Variants in TUSC3 observed in about 807,000 individuals in gnomAD.
TUSC3 encodes the protein tumor suppressor candidate 3.
In TUSC3, 45 loss-of-function variants were observed where a neutral mutation model predicts 44.8. That is an observed-to-expected ratio of 1.00 (90% CI 0.79 to 1.29). The LOEUF (loss-of-function observed/expected upper bound fraction) is 1.29. TUSC3 is among the 50% of genes most tolerant of loss of function. The pLI is 0.00. For synonymous variants in TUSC3, 212 were observed against 152.9 expected (o/e 1.39, Z -2.85); for missense variants, 519 against 437.9 (o/e 1.19, Z -1.65).
chr8:15,571,555 G>T (rs1404840724), intron 1 of TUSC3, among the ~76,000 whole-genome samples: 2 of 152,104 alleles, frequency 1.3e-5, no homozygotes, highest in Non-Finnish European at 2.9e-5. Context: ...GCTGGTGGAG[G>T]GTTTTGCTTC....
At chr8:15,569,054 G>T (rs1029138413) in intron 1 of TUSC3, among the ~76,000 whole-genome samples, 1 of 152,034 alleles carries the variant, frequency 6.6e-6, no homozygotes, top group South Asian at 2.1e-4. Flanking sequence ...TGTGCGGCTT[G>T]TTATATATTA....
At chr8:15,772,044 G>C in the TUSC3 span, among the ~76,000 whole-genome samples, 23 of 151,880 alleles carry the variant, frequency 1.5e-4, no homozygotes, top group Non-Finnish European at 2.9e-4. Flanking sequence ...AGCCAGGATC[G>C]CGCCACTGCA....
intron 7 of TUSC3, among the ~76,000 whole-genome samples, chr8:15,737,561 T>C (rs1170059188): frequency 6.6e-6 from 1 of 152,154 alleles, no homozygotes; most frequent in African/African-American, 2.4e-5. Flanking sequence ...GCCATGATAT[T>C]AATCAATAAA....
chr8:15,832,224 T>C, the TUSC3 span, among the ~76,000 whole-genome samples: 3 of 152,116 alleles, frequency 2.0e-5, no homozygotes, highest in Non-Finnish European at 2.9e-5. Context: ...AACAAGATCC[T>C]TTCTAGGCAA....
chr8:15,773,408 A>C, the TUSC3 span, among the ~76,000 whole-genome samples: 40 of 152,294 alleles, frequency 2.6e-4, no homozygotes, highest in Non-Finnish European at 3.5e-4. Context: ...GATTTAACCA[A>C]GGAACTAAAA....
intron 2 of TUSC3, among the ~76,000 whole-genome samples, chr8:15,530,468 C>A (rs1801435260): frequency 6.6e-6 from 1 of 152,156 alleles, no homozygotes; most frequent in Admixed American, 6.6e-5. Flanking sequence ...GTTTCATCTT[C>A]ATGGTACCAT....
chr8:15,679,718 T>G (rs1158504256), intron 6 of TUSC3, among the ~76,000 whole-genome samples: 2 of 152,176 alleles, frequency 1.3e-5, no homozygotes, highest in Non-Finnish European at 2.9e-5. Flanking sequence ...AGGGTTTTTA[T>G]AGTTTTAGGT....
At chr8:15,540,650 G>C (rs1801653438) in intron 1 of TUSC3, 82 bp downstream of exon 1, 1 of 1,436,680 alleles carries the variant, frequency 7.0e-7, no homozygotes, top group African/African-American at 1.5e-5. Flanking sequence ...CTGCCGTGTT[G>C]CTAGGCAGCC....
intron 5 of TUSC3, among the ~76,000 whole-genome samples, chr8:15,671,843 T>G (rs944923336): frequency 6.6e-6 from 1 of 151,834 alleles, no homozygotes; most frequent in Non-Finnish European, 1.5e-5. Flanking sequence ...TAAATGATAC[T>G]TTTTTTTATG....
At chr8:15,722,186 T>C (rs1810327713) in intron 6 of TUSC3, among the ~76,000 whole-genome samples, 1 of 151,886 alleles carries the variant, frequency 6.6e-6, no homozygotes, top group Non-Finnish European at 1.5e-5. Context: ...GGGGCAGCTA[T>C]CGTGAATTAT....
rs983035972 is a variant in TUSC3 at position 15,713,794 on chromosome 8, A to T, written c.799-16872A>T. ...CTCTTTAAAGACCCTCTCACCAAAG[A>T]GTCATATTCTGAGGTACTGGGGGTT... On this transcript the variant is annotated intron_variant, in intron 6 of 10. Coordinates refer to ENST00000503731, the MANE Select transcript of TUSC3 (RefSeq NM_006765.4). 1.8e-4 allele frequency among the ~76,000 whole-genome samples: 27 copies of T among 152,166 alleles called. 1 individual carries two copies. Among genetic ancestry groups the T allele is most frequent in the African/African-American group, 6.5e-4 (27 of 41,530 alleles).
intron 2 of TUSC3, among the ~76,000 whole-genome samples, chr8:15,498,523 A>G (rs1800912829): frequency 6.6e-6 from 1 of 152,192 alleles, no homozygotes; most frequent in South Asian, 2.1e-4. Context: ...CAAGGATCCT[A>G]GCGATGAATT....
chr8:15,820,032 C>T, the TUSC3 span, among the ~76,000 whole-genome samples: 1 of 152,246 alleles, frequency 6.6e-6, no homozygotes, highest in Non-Finnish European at 1.5e-5. Flanking sequence ...TCAATTTGAA[C>T]TGTTCCTAGT....
At chr8:15,603,232 T>C (rs569237657) in intron 1 of TUSC3, among the ~76,000 whole-genome samples, 1 of 151,708 alleles carries the variant, frequency 6.6e-6, no homozygotes, top group Admixed American at 6.6e-5. Flanking sequence ...AGTTTATCAC[T>C]GGAACCTGAG....
intron 5 of TUSC3, among the ~76,000 whole-genome samples, chr8:15,666,566 C>A (rs753436319): frequency 2.0e-5 from 3 of 151,512 alleles, no homozygotes; most frequent in Middle Eastern, 3.4e-3. Context: ...AAATTTATTT[C>A]TTGTGACCAT....
At chr8:15,452,774 G>A (rs1800210288) in intron 1 of TUSC3, among the ~76,000 whole-genome samples, 1 of 152,172 alleles carries the variant, frequency 6.6e-6, no homozygotes, top group African/African-American at 2.4e-5. Context: ...AGTACTGCAT[G>A]TAGCACTCTG....
intron 1 of TUSC3, among the ~76,000 whole-genome samples, chr8:15,441,638 C>G (rs1211928222): frequency 6.6e-6 from 1 of 152,100 alleles, no homozygotes; most frequent in Non-Finnish European, 1.5e-5. Flanking sequence ...AGGGACATTT[C>G]TCATTCCTTA....
At chr8:15,732,815 C>T (rs1810779568) in intron 7 of TUSC3, among the ~76,000 whole-genome samples, 1 of 152,268 alleles carries the variant, frequency 6.6e-6, no homozygotes, top group East Asian at 1.9e-4. Flanking sequence ...TCATTGAACA[C>T]CACTGACCAT....
chr8:15,616,852 G>A (rs1012833689), intron 1 of TUSC3, among the ~76,000 whole-genome samples: 1 of 152,032 alleles, frequency 6.6e-6, no homozygotes, highest in African/African-American at 2.4e-5. Flanking sequence ...GAAGCAGGTC[G>A]CCGCATGCCT....
Sources: allele counts gnomAD v4.1 joint callset (sites outside exome capture counted in the v4.1 genomes callset), GRCh38; gene constraint gnomAD v4.1.1; transcripts MANE v1.5; gene names NCBI Gene and HGNC (gene_info 2026-07-23, HGNC 2026-07-21).